Variants in NCL observed in about 807,000 individuals in gnomAD.
The protein encoded by NCL is nucleolin multifunctional protein.
A neutral mutation model predicts 77.7 loss-of-function variants in NCL; 4 were observed. The ratio of observed to expected loss-of-function variants is 0.05; its 90% CI spans 0.03 to 0.12. The LOEUF (loss-of-function observed/expected upper bound fraction) is 0.12. Among genes scored for constraint, NCL ranks in the 10% least tolerant of loss-of-function variants. The pLI is 1.00. For missense variants in NCL, 763 were observed against 860.9 expected (o/e 0.89, Z 1.42); for synonymous variants, 344 against 297.8 (o/e 1.16, Z -1.60).
chr2:231,462,897 C>T (rs2046965651), intron 2 of NCL: 1 of 349,384 alleles, frequency 2.9e-6, no homozygotes, highest in South Asian at 2.7e-5. Context: ...CCCAGCTCTA[C>T]ATGTGGGGGT....
In NCL at chr2:231,453,670, C is replaced by T. The variant is rs2046854469; in HGVS notation, c.*1521G>A. ...GTTACAACCCTGGCTGGCCACCTTC[C>T]TCTCTAGAGCATGAGGGTCTTGGAA... On this transcript the variant is annotated 3_prime_UTR_variant, in exon 14 of 14. Transcript: ENST00000322723. 6.5e-6 allele frequency: 1 copy of T among 153,882 alleles called. No individual in the cohort carries two copies. The highest frequency in any genetic ancestry group is 6.4e-5 in the Admixed American group (1 of 15,612). 9.5% of individuals were successfully genotyped at this position (153,882 alleles called of 1,614,324 possible). A position where few individuals can be genotyped will look rare whatever the true frequency, so the allele number is the denominator to read the frequency against.
chr2:231,456,145 G>GAAA lies in NCL; in HGVS notation c.1706-12_1706-10dup. ...CAGAGTTTTGGATGGCTCTGGGAAG[G>GAAA]AAAAAAAAATGTGACTTTATGTGAA... On this transcript the variant is annotated splice_polypyrimidine_tract_variant and intron_variant, in intron 11 of 13. Coordinates refer to ENST00000322723, the MANE Select transcript of NCL (RefSeq NM_005381.3). 1 of 1,585,252 alleles carries GAAA rather than the reference G, an allele frequency of 6.3e-7. No homozygotes were observed.
At position 231,457,804 on chromosome 2, in the gene NCL, C is replaced by A; in HGVS notation, c.1290-4G>T. 6.3e-7 allele frequency: 1 copy of A among 1,596,208 alleles called. No homozygotes were observed. The highest frequency in any genetic ancestry group is 8.5e-7 in the Non-Finnish European group (1 of 1,170,212). On this transcript the variant is annotated splice_polypyrimidine_tract_variant and splice_region_variant and intron_variant, in intron 8 of 13. Transcript: ENST00000322723. ...CTTAAATTCAATATAAGCAATCCTG[C>A]AATGGAGGGAGAAGAACTCATGGTT...
intron 2 of NCL, 157 bp from the exon 3 acceptor site, chr2:231,462,174 G>T: frequency 2.0e-6 from 2 of 1,007,670 alleles, no homozygotes; most frequent in Non-Finnish European, 3.1e-6. Flanking sequence ...CTGTTATGTT[G>T]TCTTAAGTCA....
In NCL at chr2:231,459,074, C is replaced by T; in HGVS notation, c.1092G>A (p.Leu364=). The T allele has an allele frequency of 1.2e-6, 2 of 1,604,366 alleles. No homozygotes were observed. The highest frequency in any genetic ancestry group is 1.7e-6 in the Non-Finnish European group (2 of 1,176,736). ...CAAAGACTTTCAAACCAGTGAGTTC[C>T]AACGCTTTCTCCAGGTCTTCAGCAG... ...FESAEDLEKA[L]ELTGLKVFGN... is the part of the protein sequence containing the mutation. Residue 364 remains leucine (L), a synonymous_variant, in exon 7 of 14, where the codon TTG becomes TTA. Transcript: ENST00000322723.
At chr2:231,457,217 G>T (rs1303388745) in intron 9 of NCL, 93 bp from the exon 10 acceptor site, 1 of 1,535,042 alleles carries the variant, frequency 6.5e-7, no homozygotes, top group Non-Finnish European at 9.0e-7. Context: ...GAATTTCAGT[G>T]CTTGAGTTAA....
chr2:231,461,397 G>A (rs1042030991), intron 3 of NCL, 143 bp downstream of exon 3: 6 of 1,326,354 alleles, frequency 4.5e-6, no homozygotes, highest in Non-Finnish European at 5.1e-6. Context: ...GGGTAATTAA[G>A]TCTAGCACAC....
At chr2:231,456,386 G>A in intron 11 of NCL, 1 of 907,958 alleles carries the variant, frequency 1.1e-6, no homozygotes, top group South Asian at 1.3e-5. Context: ...CAAGCAGGTG[G>A]GGCCCAGTGG....
At chr2:231,457,537 T>A in intron 9 of NCL, 106 bp downstream of exon 9, 1 of 1,173,818 alleles carries the variant, frequency 8.5e-7, no homozygotes, top group Non-Finnish European at 1.2e-6. Context: ...TTCACCTACA[T>A]TTGAGTAACT....
chr2:231,464,247 A>G, intron 1 of NCL, 89 bp downstream of exon 1: 1 of 1,525,036 alleles, frequency 6.6e-7, no homozygotes, highest in Non-Finnish European at 8.9e-7. Flanking sequence ...CGCGCCCGGG[A>G]CTGCGCGCAG....
At position 231,464,455 on chromosome 2, in the gene NCL, A is replaced by C. The variant is rs1037031243; in HGVS notation, c.-102T>G. On this transcript the variant is annotated 5_prime_UTR_variant, in exon 1 of 14. Transcript: ENST00000322723. ...GGGTGCTGAAGATCCCGGAGCACGT[A>C]CACCCGAAGGCCAGCGAGAGCTCGA... 29 of 1,474,824 alleles carry C rather than the reference A, an allele frequency of 2.0e-5. No homozygotes were observed. Among genetic ancestry groups the C allele is most frequent in the Admixed American group, 9.8e-5 (5 of 51,012 alleles). 91.4% of individuals were successfully genotyped at this position (1,474,824 alleles called of 1,614,324 possible).
In NCL at chr2:231,464,447, G is replaced by A. The variant is rs1220531765; in HGVS notation, c.-94C>T. On this transcript the variant is annotated 5_prime_UTR_variant, in exon 1 of 14. Coordinates refer to ENST00000322723, the MANE Select transcript of NCL (RefSeq NM_005381.3). ...GCGGCCGCGGGTGCTGAAGATCCCG[G>A]AGCACGTACACCCGAAGGCCAGCGA... 2.0e-6 allele frequency: 3 copies of A among 1,499,666 alleles called. No homozygotes were observed. The highest frequency in any genetic ancestry group is 2.7e-6 in the Non-Finnish European group (3 of 1,098,688). 92.9% of individuals were successfully genotyped at this position (1,499,666 alleles called of 1,614,324 possible). A position where few individuals can be genotyped will look rare whatever the true frequency, so the allele number is the denominator to read the frequency against.
chr2:231,456,745 C>T lies in NCL; in HGVS notation c.1591G>A (p.Ala531Thr). Reference protein sequence around the residue: ...KSKGYAFIEFASFEDAKEALN... With the variant: ...KSKGYAFIEFTSFEDAKEALN... ...GCTTCTTTAGCGTCTTCGAATGAAGCAAACTCTATAAATGCATACCTGAGG... is the reference window on the plus strand; with the variant it reads ...GCTTCTTTAGCGTCTTCGAATGAAGTAAACTCTATAAATGCATACCTGAGG... The change falls in exon 11 of 14, where the codon GCT becomes ACT. Residue 531 changes from alanine (A) to threonine (T), a missense_variant. This residue lies in a region of NCL where 173 missense variants were observed against 290.4 expected (regional missense o/e 0.60). Transcript: ENST00000322723. 6.2e-7 allele frequency: 1 copy of T among 1,614,134 alleles called. No homozygotes were observed. The highest frequency in any genetic ancestry group is 8.5e-7 in the Non-Finnish European group (1 of 1,180,040).
Position 231,461,885 on chromosome 2 carries a change from C to T in NCL, c.268G>A (p.Ala90Thr), listed in dbSNP as rs1323008888. ...KAAVTPGKKA[A>T]ATPAKKTVTP... is the part of the protein sequence containing the mutation. ...ACTGTCTTCTTGGCAGGTGTTGCTG[C>T]TGCCTTTTTGCCTGGAGTGACAGCT... Residue 90 changes from alanine (A) to threonine (T), a missense_variant, in exon 3 of 14, where the codon GCA becomes ACA. Ala to Thr is a moderately conservative substitution (Grantham distance 58). Around this residue, in one of 2 missense-constraint regions of NCL, gnomAD observed 590 missense variants for 570.5 expected, o/e 1.03. Coordinates refer to ENST00000322723, the MANE Select transcript of NCL (RefSeq NM_005381.3). 1 of 1,614,256 alleles carries T rather than the reference C, an allele frequency of 6.2e-7. No individual in the cohort carries two copies. Among genetic ancestry groups the T allele is most frequent in the Admixed American group, 1.7e-5 (1 of 60,024 alleles).
Position 231,460,782 on chromosome 2 carries a change from G to A in NCL, c.698C>T (p.Ala233Val). The A allele has an allele frequency of 6.2e-7, 1 of 1,613,816 alleles. No individual in the cohort carries two copies. The highest frequency in any genetic ancestry group is 8.5e-7 in the Non-Finnish European group (1 of 1,179,970). The change falls in exon 4 of 14, where the codon GCT becomes GTT. Residue 233 changes from alanine to valine, a missense_variant. This residue lies in a region of NCL where 590 missense variants were observed against 570.5 expected (regional missense o/e 1.03). Transcript: ENST00000322723. ...KVVPVKAKNV[A>V]EDEDEEEDDE... ...ATCCTCTTCTTCATCTTCATCCTCA[G>A]CCACGTTCTTGGCTTTCACAGGAAC...
chr2:231,462,594 T>TTTA (rs761727024), intron 2 of NCL: 24 of 511,780 alleles, frequency 4.7e-5, no homozygotes, highest in South Asian at 3.4e-4. Context: ...ATCCCGTAGT[T>TTTA]TTATCAGGCA....
intron 8 of NCL, among the ~76,000 whole-genome samples, chr2:231,458,052 C>T: frequency 6.6e-6 from 1 of 152,184 alleles, no homozygotes. Flanking sequence ...AAGATAGGCA[C>T]ATTTCTTGCT....
intron 3 of NCL, 78 bp from the exon 4 acceptor site, chr2:231,460,944 G>A: frequency 1.7e-6 from 2 of 1,161,022 alleles, no homozygotes; most frequent in South Asian, 2.5e-5. Flanking sequence ...TAAAGAAAAT[G>A]CAATCCTGTC....
chr2:231,461,798 C>G lies in NCL; in HGVS notation c.355G>C (p.Val119Leu), dbSNP rs776064859. ...KKGATPGKALVATPGKKGAAI... is the reference protein window; with the variant it reads ...KKGATPGKALLATPGKKGAAI... ...GCACCCTTCTTACCAGGAGTTGCTA[C>G]CAATGCTTTGCCTGGTGTGGCTCCC... Residue 119 changes from valine (V) to leucine (L), a missense_variant, in exon 3 of 14, where the codon GTA (valine) becomes CTA (leucine). By Grantham distance (32) the Val-to-Leu change is conservative. Transcript: ENST00000322723. 1.4e-5 allele frequency: 22 copies of G among 1,614,092 alleles called. No homozygotes were observed. The South Asian group carries it at 2.3e-4, about 17-fold the overall frequency.
Sources: allele counts gnomAD v4.1 joint callset (sites outside exome capture counted in the v4.1 genomes callset), GRCh38; gene constraint gnomAD v4.1.1; regional missense constraint gnomAD v4.1.1; transcripts MANE v1.5; gene names NCBI Gene and HGNC (gene_info 2026-07-23, HGNC 2026-07-21).